The following UBE2L6 variants were observed in gnomAD, a reference collection of about 807,000 sequenced individuals.
UBE2L6 encodes ubiquitin conjugating enzyme E2 L6.
UBE2L6 carries 11 observed loss-of-function variants against 13.6 expected under a neutral mutation model. The ratio of observed to expected loss-of-function variants is 0.81; its 90% confidence interval spans 0.51 to 1.34. UBE2L6 has a LOEUF of 1.34. Ranked by LOEUF, UBE2L6 falls within the 40% of genes most tolerant of loss-of-function variation. The probability of loss-of-function intolerance (pLI) is 0.00; values close to 1 mark genes in which losing one functional copy is unlikely to be tolerated. For missense variants in UBE2L6, 197 were observed against 199.5 expected, an observed-to-expected ratio of 0.99 and a Z score of 0.07; for synonymous variants, 74 against 83.2, an observed-to-expected ratio of 0.89 and a Z score of 0.60.
upstream of UBE2L6, chr11:57,567,783 C>T (rs1945105957): frequency 1.5e-6 from 1 of 682,870 alleles, no homozygotes; most frequent in Non-Finnish European, 2.2e-6. Context: ...GCCAGGAGGC[C>T]GTCGAAGGAC....
chr11:57,561,080 C>T (rs569347350), intron 1 of UBE2L6, among the ~76,000 whole-genome samples: 3 of 152,214 alleles, frequency 2.0e-5, no homozygotes, highest in Admixed American at 2.0e-4. Context: ...GGTACTTAAC[C>T]TCTGCTCTCT....
intron 3 of UBE2L6, among the ~76,000 whole-genome samples, chr11:57,553,179 T>G (rs896524997): frequency 1.3e-5 from 2 of 152,242 alleles, no homozygotes; most frequent in Admixed American, 6.5e-5. Context: ...ATTAGCCACA[T>G]GCAGGCATCT....
chr11:57,558,410 C>A (rs1350042316), intron 2 of UBE2L6, among the ~76,000 whole-genome samples: 1 of 152,104 alleles, frequency 6.6e-6, no homozygotes, highest in Non-Finnish European at 1.5e-5. Flanking sequence ...GAAAACTATT[C>A]ATTTTTCATG....
rs1444335408 is a variant in UBE2L6 at position 57,555,893 on chromosome 11, A to G, written c.124-1270T>C. 3.9e-5 allele frequency among the ~76,000 whole-genome samples: 6 copies of G among 152,262 alleles called. No homozygotes were observed. In the East Asian group the frequency reaches 1.2e-3, roughly 29 times the overall value. ...CTGTAATCCTATTTAATCCTATTTAATGACACTGAACTATATACTTAAAAA... is the reference window on the plus strand; with the variant it reads ...CTGTAATCCTATTTAATCCTATTTAGTGACACTGAACTATATACTTAAAAA... On this transcript the variant is annotated intron_variant, in intron 2 of 3. Coordinates refer to ENST00000287156, the MANE Select transcript of UBE2L6 (RefSeq NM_004223.5).
intron 1 of UBE2L6, among the ~76,000 whole-genome samples, chr11:57,562,424 C>T (rs1945054276): frequency 6.6e-6 from 1 of 152,254 alleles, no homozygotes; most frequent in African/African-American, 2.4e-5. Flanking sequence ...GGGAAGAACA[C>T]AAGCCTGGCT....
intron 2 of UBE2L6, among the ~76,000 whole-genome samples, chr11:57,556,676 G>A (rs1445055181): frequency 6.6e-6 from 1 of 151,350 alleles, no homozygotes; most frequent in African/African-American, 2.4e-5. Flanking sequence ...TATGGTCTCA[G>A]TAAGGAGAAA....
At chr11:57,560,279 C>T (rs1434473375) in intron 2 of UBE2L6, 58 bp downstream of exon 2, 6 of 1,415,962 alleles carry the variant, frequency 4.2e-6, no homozygotes, top group Non-Finnish European at 6.0e-6. Context: ...CCCTCCCTGC[C>T]CATGTCCCTG....
rs576881567 is a variant in UBE2L6, at chr11:57,561,203, C to T, written c.28-771G>A. ...AAAGACATGACCCCACCGCTTCAAA[C>T]TCTGCCAGATCAGGGCTGGAGAAGG... On this transcript the variant is annotated intron_variant, in intron 1 of 3. Transcript: ENST00000287156. Among the ~76,000 whole-genome samples, 22 of 152,316 alleles carry T rather than the reference C, an allele frequency of 1.4e-4. No homozygotes were observed. The South Asian group carries it at 2.9e-3, about 20-fold the overall frequency.
chr11:57,554,606 G>T lies in UBE2L6; in HGVS notation c.141C>A (p.His47Gln). 1 of 1,614,152 alleles carries T rather than the reference G, an allele frequency of 6.2e-7. No individual in the cohort carries two copies. The highest frequency in any genetic ancestry group is 2.2e-5 in the East Asian group (1 of 44,880). ...TGATGCGCAGGTTGAAGGCTTTCAG[G>T]TGGTAGGGAGGTTGGTCCTGTGCAG... is the stretch of plus-strand genomic sequence containing the variant. ...ALLLPDQPPY[H>Q]LKAFNLRISF... Residue 47 changes from histidine (H) to glutamine (Q), a missense_variant, in exon 3 of 4, where the codon CAC (histidine) becomes CAA (glutamine). His to Gln is a conservative substitution (Grantham distance 24). Coordinates refer to ENST00000287156, the MANE Select transcript of UBE2L6 (RefSeq NM_004223.5).
intron 2 of UBE2L6, among the ~76,000 whole-genome samples, chr11:57,554,955 ACTTT>A (rs1944986327): frequency 6.6e-6 from 1 of 152,178 alleles, no homozygotes; most frequent in African/African-American, 2.4e-5. Flanking sequence ...AGCTTTCAAG[ACTTT>A]CTGAGATTAT....
chr11:57,552,793 C>G (rs941641949), intron 3 of UBE2L6, among the ~76,000 whole-genome samples: 1 of 152,182 alleles, frequency 6.6e-6, no homozygotes, highest in Admixed American at 6.6e-5. Flanking sequence ...GTCTTATCCC[C>G]ATTTCAACAA....
Position 57,552,120 on chromosome 11 carries a change from A to C in UBE2L6, c.*238T>G. 3 of 516,864 alleles carry C rather than the reference A, an allele frequency of 5.8e-6. No individual in the cohort carries two copies. Among genetic ancestry groups the C allele is most frequent in the Non-Finnish European group, 1.0e-5 (3 of 292,896 alleles). 32.0% of individuals were successfully genotyped at this position (516,864 alleles called of 1,614,324 possible). A position where few individuals can be genotyped will look rare whatever the true frequency, so the allele number is the denominator to read the frequency against. On this transcript the variant is annotated 3_prime_UTR_variant, in exon 4 of 4. Transcript: ENST00000287156. ...ACTTAAACTCCCTTGGCTCTGGGGA[A>C]TGTAAAGGGTGTGGGAAGGGTGCAC...
chr11:57,554,309 T>C, intron 3 of UBE2L6, 128 bp downstream of exon 3: 1 of 1,133,790 alleles, frequency 8.8e-7, no homozygotes, highest in South Asian at 1.6e-5. Flanking sequence ...TCATAGTAAG[T>C]TCAGCCAAGA....
At chr11:57,567,537 G>A (rs771886500) in intron 1 of UBE2L6, 48 bp downstream of exon 1, 9 of 1,596,952 alleles carry the variant, frequency 5.6e-6, no homozygotes, top group African/African-American at 1.3e-5. Context: ...GAGGGAATGC[G>A]GGAGGCGAGG....
At chr11:57,562,054 C>A (rs537702316) in intron 1 of UBE2L6, among the ~76,000 whole-genome samples, 1 of 152,204 alleles carries the variant, frequency 6.6e-6, no homozygotes, top group African/African-American at 2.4e-5. Context: ...AACATCCTAA[C>A]AAAGAATTAT....
intron 2 of UBE2L6, among the ~76,000 whole-genome samples, chr11:57,558,390 A>T (rs1364830971): frequency 1.3e-5 from 2 of 152,086 alleles, no homozygotes. Flanking sequence ...GCTACTTTTT[A>T]AAAAATTTTG....
chr11:57,562,080 G>A (rs1455901539), intron 1 of UBE2L6, among the ~76,000 whole-genome samples: 1 of 152,186 alleles, frequency 6.6e-6, no homozygotes, highest in African/African-American at 2.4e-5. Context: ...CGAACAAGAG[G>A]GGAGACCGCT....
chr11:57,552,730 G>A (rs922936576), intron 3 of UBE2L6, among the ~76,000 whole-genome samples: 2 of 152,176 alleles, frequency 1.3e-5, no homozygotes, highest in African/African-American at 4.8e-5. Context: ...ACATTCCATG[G>A]CTTCAGAGAA....
At chr11:57,562,911 A>G (rs1171102390) in intron 1 of UBE2L6, among the ~76,000 whole-genome samples, 1 of 152,112 alleles carries the variant, frequency 6.6e-6, no homozygotes, top group Non-Finnish European at 1.5e-5. Flanking sequence ...GACTATAATA[A>G]ATACCTAACT....
Sources: gnomAD v4.1 joint callset for allele counts (sites outside exome capture counted in the v4.1 genomes callset) on GRCh38, gnomAD v4.1.1 for gene constraint, MANE v1.5 for transcripts, NCBI Gene and HGNC (gene_info 2026-07-23, HGNC 2026-07-21) for gene names.